The following KIF6 variants were observed in gnomAD, a reference collection of about 807,000 sequenced individuals.
The protein encoded by KIF6 is kinesin family member 6.
KIF6 carries 106 observed loss-of-function variants against 112.7 expected under a neutral mutation model. That is an observed-to-expected ratio of 0.94 (90% CI 0.80 to 1.11). KIF6 has a LOEUF of 1.11. Ranked by LOEUF, KIF6 falls within the 50% of genes least tolerant of loss-of-function variation. The pLI is 0.00. For missense variants in KIF6, 929 were observed against 964.0 expected (o/e 0.96, Z 0.48); for synonymous variants, 339 against 339.9 (o/e 1.00, Z 0.03).
chr6:39,425,187 T>C (rs1202355795), intron 14 of KIF6, among the ~76,000 whole-genome samples: 1 of 152,204 alleles, frequency 6.6e-6, no homozygotes, highest in Non-Finnish European at 1.5e-5. Flanking sequence ...CAGCTGAGAT[T>C]GCCTTCTGAG....
chr6:39,609,626 C>T (rs540459406), intron 6 of KIF6, among the ~76,000 whole-genome samples: 2 of 152,210 alleles, frequency 1.3e-5, no homozygotes, highest in East Asian at 1.9e-4. Flanking sequence ...AAATGGCCAA[C>T]GAAGATATAA....
At chr6:39,667,491 A>G (rs556810676) in intron 3 of KIF6, among the ~76,000 whole-genome samples, 11 of 152,238 alleles carry the variant, frequency 7.2e-5, no homozygotes, top group Admixed American at 2.6e-4. Flanking sequence ...GGACTCATAC[A>G]CTAATCTCCC....
chr6:39,670,342 C>A (rs146041704), intron 3 of KIF6, among the ~76,000 whole-genome samples: 1 of 152,294 alleles, frequency 6.6e-6, no homozygotes, highest in African/African-American at 2.4e-5. Flanking sequence ...TTTGACTCTA[C>A]AGAAACTTAA....
At chr6:39,677,949 T>A (rs896142533) in intron 3 of KIF6, among the ~76,000 whole-genome samples, 1 of 147,532 alleles carries the variant, frequency 6.8e-6, no homozygotes, top group South Asian at 2.2e-4. Flanking sequence ...ACATTTGGGT[T>A]GGTTCCAAGT....
In KIF6 at chr6:39,343,953, C is replaced by T. The variant is rs1472663531; in HGVS notation, c.2322-138G>A. On this transcript the variant is annotated intron_variant, in intron 21 of 22. Transcript: ENST00000287152. This position sits in a 1 kb window ranked among gnomAD's most constrained non-coding sequence, Gnocchi z 4.1. ...ACACGGCTGGCCTGCTTCTCACTCC[C>T]TCCTACCTTCTCTGTGTGGCAGCCA... 2 of 562,028 alleles carry T rather than the reference C, an allele frequency of 3.6e-6. No homozygotes were observed. Among genetic ancestry groups the T allele is most frequent in the Admixed American group, 3.5e-5 (1 of 28,472 alleles). 34.8% of individuals were successfully genotyped at this position (562,028 alleles called of 1,614,324 possible). A position where few individuals can be genotyped will look rare whatever the true frequency, so the allele number is the denominator to read the frequency against.
chr6:39,436,746 C>T (rs1212344519), intron 13 of KIF6, among the ~76,000 whole-genome samples: 2 of 152,108 alleles, frequency 1.3e-5, no homozygotes, highest in Non-Finnish European at 2.9e-5. Flanking sequence ...TACATCAGTA[C>T]CATGCTGTTT....
chr6:39,605,473 C>T (rs531684028), intron 6 of KIF6, among the ~76,000 whole-genome samples: 1 of 152,066 alleles, frequency 6.6e-6, no homozygotes, highest in East Asian at 1.9e-4. Flanking sequence ...ATACTACATA[C>T]CTTGGGATTA....
At chr6:39,480,659 G>A (rs1172594075) in intron 13 of KIF6, among the ~76,000 whole-genome samples, 5 of 152,114 alleles carry the variant, frequency 3.3e-5, no homozygotes, top group African/African-American at 1.2e-4. Context: ...ATGTCTGATA[G>A]AATTCAGCTG....
chr6:39,425,451 T>A (rs1467360553), intron 14 of KIF6, among the ~76,000 whole-genome samples: 1 of 152,036 alleles, frequency 6.6e-6, no homozygotes, highest in Non-Finnish European at 1.5e-5. Context: ...TTATGCTTTT[T>A]AAAAAATGCT....
chr6:39,707,927 T>C (rs1458927926), intron 3 of KIF6, among the ~76,000 whole-genome samples: 1 of 152,246 alleles, frequency 6.6e-6, no homozygotes. Flanking sequence ...CAGAATTGGA[T>C]TATTTGACTT....
chr6:39,596,069 T>C lies in KIF6; in HGVS notation c.831A>G (p.Leu277=), dbSNP rs1490565964. ...LTEAKYINLS[L]HYLEQVIIAL... ...CCCATTTTACCTGTTCTAAGTAATGTAGTGACAAGTTGATATACTTGGCCT... is the reference window on the plus strand; with the variant it reads ...CCCATTTTACCTGTTCTAAGTAATGCAGTGACAAGTTGATATACTTGGCCT... The change falls in exon 7 of 23, where the codon CTA becomes CTG. Residue 277 remains leucine, a synonymous_variant. Coordinates refer to ENST00000287152, the MANE Select transcript of KIF6 (RefSeq NM_145027.6). 1.2e-6 allele frequency: 2 copies of C among 1,613,650 alleles called. No homozygotes were observed. Among genetic ancestry groups the C allele is most frequent in the Non-Finnish European group, 1.7e-6 (2 of 1,179,732 alleles).
At position 39,360,423 on chromosome 6, in the gene KIF6, C is replaced by T; in HGVS notation, c.2054G>A (p.Trp685Ter). The T allele has an allele frequency of 6.2e-7, 1 of 1,614,196 alleles. No homozygotes were observed. The highest frequency in any genetic ancestry group is 8.5e-7 in the Non-Finnish European group (1 of 1,180,032). ...KVKLQKEFEV[W>*]WAEEATNLQV... ...CAGGTTGGTGGCCTCCTCTGCCCACCAGACTTCAAACTCTTTCTGTAGCTT... is the reference window on the plus strand; with the variant it reads ...CAGGTTGGTGGCCTCCTCTGCCCACTAGACTTCAAACTCTTTCTGTAGCTT... The change falls in exon 18 of 23, where the codon TGG (tryptophan) becomes TAG (stop). Residue 685 changes from tryptophan (W) to a stop codon, truncating the protein, a stop_gained. Coordinates refer to ENST00000287152, the MANE Select transcript of KIF6 (RefSeq NM_145027.6). LOFTEE classifies it high-confidence loss of function.
chr6:39,381,966 C>T (rs928887407), intron 16 of KIF6, among the ~76,000 whole-genome samples: 7 of 152,120 alleles, frequency 4.6e-5, no homozygotes, highest in South Asian at 2.1e-4. Context: ...TGATTGAAAA[C>T]ATACAGCAGT....
intron 5 of KIF6, among the ~76,000 whole-genome samples, chr6:39,633,262 G>A (rs968571035): frequency 5.3e-5 from 8 of 152,208 alleles, no homozygotes; most frequent in South Asian, 2.1e-4. Context: ...GAATCTAATC[G>A]ACATGGTTTG....
intron 6 of KIF6, among the ~76,000 whole-genome samples, chr6:39,601,102 T>G (rs545519104): frequency 2.6e-4 from 40 of 152,272 alleles, no homozygotes; most frequent in African/African-American, 9.1e-4. Flanking sequence ...TATAGCAGAT[T>G]GGAATGTCCA....
At chr6:39,658,492 C>G (rs939901914) in intron 3 of KIF6, among the ~76,000 whole-genome samples, 22 of 152,052 alleles carry the variant, frequency 1.4e-4, no homozygotes, top group Admixed American at 1.2e-3. Context: ...AAAAATTATA[C>G]CTAATACTCT....
chr6:39,463,233 T>C (rs1481068377), intron 13 of KIF6, among the ~76,000 whole-genome samples: 1 of 152,162 alleles, frequency 6.6e-6, no homozygotes, highest in Non-Finnish European at 1.5e-5. Flanking sequence ...TCCCCCATTT[T>C]CTCTCCTTTA....
intron 15 of KIF6, among the ~76,000 whole-genome samples, chr6:39,414,646 G>A (rs1022084098): frequency 6.6e-6 from 1 of 152,174 alleles, no homozygotes; most frequent in Non-Finnish European, 1.5e-5. Context: ...TTTAATTTTC[G>A]TGGGCTATGC....
At chr6:39,336,664 G>C in intron 22 of KIF6, 116 bp from the exon 23 acceptor site, 1 of 883,782 alleles carries the variant, frequency 1.1e-6, no homozygotes, top group Non-Finnish European at 1.9e-6. Context: ...CTTGGGCACT[G>C]CATCTGTGTC....
Sources: gnomAD v4.1 joint callset for allele counts (sites outside exome capture counted in the v4.1 genomes callset) on GRCh38, gnomAD v4.1.1 for gene constraint, Gnocchi (gnomAD v3.1) non-coding constraint, MANE v1.5 for transcripts, NCBI Gene and HGNC (gene_info 2026-07-23, HGNC 2026-07-21) for gene names.